CD38: variants seen among roughly 807,000 people sequenced by gnomAD.
CD38 encodes the protein ADP-ribosyl cyclase/cyclic ADP-ribose hydrolase 1.
CD38 carries 31 observed loss-of-function variants against 36.3 expected under a neutral mutation model. The observed-to-expected ratio is 0.85, with a 90% CI of 0.64 to 1.15. CD38 has a LOEUF of 1.15. CD38 is among the 50% of genes most tolerant of loss of function. The pLI, the probability that CD38 is intolerant of heterozygous loss-of-function variation, is 0.00. For missense variants in CD38, 380 were observed against 371.9 expected (o/e 1.02, Z -0.18); for synonymous variants, 131 against 135.2 (o/e 0.97, Z 0.22).
chr4:15,814,638 C>T (rs895977265), intron 1 of CD38, among the ~76,000 whole-genome samples: 1 of 152,024 alleles, frequency 6.6e-6, no homozygotes, highest in Non-Finnish European at 1.5e-5. Context: ...AGAAGGGGTC[C>T]AGTTTTTGTT....
chr4:15,835,727 G>A (rs1473475070), intron 4 of CD38, among the ~76,000 whole-genome samples: 2 of 152,082 alleles, frequency 1.3e-5, no homozygotes, highest in Non-Finnish European at 2.9e-5. Context: ...TGGCCAGGCT[G>A]TCTCAAGCTC....
chr4:15,817,730 A>G (rs370725146), intron 2 of CD38, among the ~76,000 whole-genome samples: 4 of 152,120 alleles, frequency 2.6e-5, no homozygotes, highest in Non-Finnish European at 5.9e-5. Context: ...CATACTTTAA[A>G]CCAGTATCCT....
intron 7 of CD38, among the ~76,000 whole-genome samples, chr4:15,841,688 G>C (rs1028695906): frequency 2.0e-5 from 3 of 149,810 alleles, no homozygotes; most frequent in Non-Finnish European, 4.4e-5. Flanking sequence ...AGTGGGCGCA[G>C]GCCAGTGTGT....
At position 15,848,874 on chromosome 4, in the gene CD38, G is replaced by A. The variant is rs1724324619; in HGVS notation, c.*272G>A. 6.9e-6 allele frequency: 2 copies of A among 289,570 alleles called. No homozygotes were observed. The highest frequency in any genetic ancestry group is 2.2e-5 in the African/African-American group (1 of 46,348). The allele number at this position is 289,570 out of a possible 1,614,324, so 17.9% of individuals were successfully genotyped here. On this transcript the variant is annotated 3_prime_UTR_variant, in exon 8 of 8. Coordinates refer to ENST00000226279, the MANE Select transcript of CD38 (RefSeq NM_001775.4). ...AGTTACTTCACTTTAATTCTCATGT[G>A]ATCCTTTTATGTTATTTATATATTG... is the stretch of plus-strand genomic sequence containing the variant.
chr4:15,815,567 CTA>C (rs577610468), intron 1 of CD38, among the ~76,000 whole-genome samples: 49 of 152,068 alleles, frequency 3.2e-4, no homozygotes, highest in Admixed American at 1.5e-3. Flanking sequence ...CTCTGCTTGT[CTA>C]TTATTGGTAT....
At chr4:15,840,367 G>A (rs940671467) in intron 6 of CD38, 85 bp from the exon 7 acceptor site, 12 of 909,230 alleles carry the variant, frequency 1.3e-5, no homozygotes, top group East Asian at 2.4e-5. Flanking sequence ...CAAGGGCCTT[G>A]TCCAGGGCGT....
chr4:15,791,797 A>G (rs1311881550), intron 1 of CD38, among the ~76,000 whole-genome samples: 1 of 65,274 alleles, frequency 1.5e-5, no homozygotes, highest in African/African-American at 2.0e-4. Flanking sequence ...TCCGGGAGGG[A>G]GGTGGGAGGG....
chr4:15,791,991 G>T (rs1451538031), intron 1 of CD38, among the ~76,000 whole-genome samples: 4 of 68,660 alleles, frequency 5.8e-5, no homozygotes, highest in Admixed American at 4.3e-4. Flanking sequence ...AAGGCGGGAA[G>T]GGTGGGGAAA....
intron 1 of CD38, among the ~76,000 whole-genome samples, chr4:15,802,469 C>CA (rs1723247636): frequency 6.6e-6 from 1 of 150,430 alleles, no homozygotes; most frequent in Non-Finnish European, 1.5e-5. Context: ...TAAAAGACCC[C>CA]AAATAGCCAA....
intron 1 of CD38, among the ~76,000 whole-genome samples, chr4:15,802,436 A>T (rs1723246818): frequency 1.3e-5 from 2 of 152,190 alleles, no homozygotes; most frequent in Admixed American, 1.3e-4. Context: ...GGAAAAAAAG[A>T]TTCTTAAATT....
In CD38 at chr4:15,840,042, G is replaced by A. The variant is rs932055698; in HGVS notation, c.676G>A (p.Glu226Lys). Reference protein sequence around the residue: ...FDKNSTFGSVEVHNLQPEKVQ... With the variant: ...FDKNSTFGSVKVHNLQPEKVQ... ...CTATTTTAGCACTTTTGGGAGTGTG[G>A]AAGTCCATAATTTGCAACCAGAGAA... Residue 226 changes from glutamate (E) to lysine (K), a missense_variant, in exon 6 of 8, where the codon GAA becomes AAA. Glu to Lys is a moderately conservative substitution (Grantham distance 56). Coordinates refer to ENST00000226279, the MANE Select transcript of CD38 (RefSeq NM_001775.4). 35 of 1,612,894 alleles carry A rather than the reference G, an allele frequency of 2.2e-5. No individual in the cohort carries two copies. The highest frequency in any genetic ancestry group is 2.8e-5 in the Non-Finnish European group (33 of 1,179,012).
At chr4:15,785,219 C>G (rs371968738) in intron 1 of CD38, among the ~76,000 whole-genome samples, 1 of 152,000 alleles carries the variant, frequency 6.6e-6, no homozygotes, top group East Asian at 1.9e-4. Context: ...GGAGTACTTA[C>G]GCAAATTAGC....
chr4:15,778,759 C>A lies in CD38; in HGVS notation c.233+112C>A. The A allele has an allele frequency of 2.7e-6, 2 of 746,224 alleles. No individual in the cohort carries two copies. The highest frequency in any genetic ancestry group is 4.4e-6 in the Non-Finnish European group (2 of 458,772). The allele number at this position is 746,224 out of a possible 1,614,324, so 46.2% of individuals were successfully genotyped here. A position where few individuals can be genotyped will look rare whatever the true frequency, so the allele number is the denominator to read the frequency against. Reference sequence around the variant, plus strand: ...CGGGCATCTTCCGTGGCGGGTCAGCCGAGAGCCCGCCGGGTGGTGCTGAGT... The same window carrying A: ...CGGGCATCTTCCGTGGCGGGTCAGCAGAGAGCCCGCCGGGTGGTGCTGAGT... On this transcript the variant is annotated intron_variant, in intron 1 of 7. Transcript: ENST00000226279. This position sits in a 1 kb window ranked among gnomAD's most constrained non-coding sequence, Gnocchi z 4.9.
chr4:15,788,171 T>C (rs574924274), intron 1 of CD38, among the ~76,000 whole-genome samples: 9 of 152,194 alleles, frequency 5.9e-5, no homozygotes, highest in Non-Finnish European at 1.3e-4. Context: ...TCAGGAAGTA[T>C]GCAGCATGCA....
intron 1 of CD38, among the ~76,000 whole-genome samples, chr4:15,805,998 C>T (rs939501476): frequency 6.6e-6 from 1 of 152,136 alleles, no homozygotes; most frequent in Non-Finnish European, 1.5e-5. Flanking sequence ...TGAGAGTTTT[C>T]CTGGAGAGGG....
At chr4:15,838,584 C>T (rs563680573) in intron 5 of CD38, among the ~76,000 whole-genome samples, 1 of 152,318 alleles carries the variant, frequency 6.6e-6, no homozygotes, top group Non-Finnish European at 1.5e-5. Flanking sequence ...TGACCCTCCT[C>T]TCCTCCAGGA....
At chr4:15,788,064 T>G (rs1722880618) in intron 1 of CD38, among the ~76,000 whole-genome samples, 1 of 152,226 alleles carries the variant, frequency 6.6e-6, no homozygotes, top group South Asian at 2.1e-4. Context: ...CCTTCTGACC[T>G]TTCAAAAGGT....
At chr4:15,798,999 C>CTT in intron 1 of CD38, among the ~76,000 whole-genome samples, 1 of 152,170 alleles carries the variant, frequency 6.6e-6, no homozygotes, top group African/African-American at 2.4e-5. Flanking sequence ...ATATTTATCA[C>CTT]GTCCCTTATT....
intron 4 of CD38, among the ~76,000 whole-genome samples, chr4:15,835,673 C>T (rs751000418): frequency 2.6e-5 from 4 of 151,932 alleles, no homozygotes; most frequent in Non-Finnish European, 4.4e-5. Flanking sequence ...CCACCATGCC[C>T]GGCTAATTTT....
Sources: gnomAD v4.1 joint callset for allele counts (sites outside exome capture counted in the v4.1 genomes callset) on GRCh38, gnomAD v4.1.1 for gene constraint, Gnocchi (gnomAD v3.1) non-coding constraint, MANE v1.5 for transcripts, NCBI Gene and HGNC (gene_info 2026-07-23, HGNC 2026-07-21) for gene names.